The following SHROOM3 variants were observed in gnomAD, a reference collection of about 807,000 sequenced individuals.
The protein encoded by SHROOM3 is shroom family member 3, also known as protein Shroom3.
Under a neutral mutation model 138.6 loss-of-function variants are expected in SHROOM3, and 47 were observed. That is an observed-to-expected ratio of 0.34 (90% confidence interval 0.27 to 0.43). The LOEUF (loss-of-function observed/expected upper bound fraction) is 0.43, where lower values mean the gene tolerates loss of function less well. Ranked by LOEUF, SHROOM3 falls within the 20% of genes least tolerant of loss-of-function variation. The pLI, the probability that SHROOM3 is intolerant of heterozygous loss-of-function variation, is 1.00. For synonymous variants in SHROOM3, 1,062 were observed against 1,063.3 expected, an observed-to-expected ratio of 1.00 and a Z score of 0.02; for missense variants, 2,491 against 2,596.5, an observed-to-expected ratio of 0.96 and a Z score of 0.88.
At chr4:76,522,352 G>A (rs1326074323) in intron 1 of SHROOM3, among the ~76,000 whole-genome samples, 1 of 150,574 alleles carries the variant, frequency 6.6e-6, no homozygotes, top group Non-Finnish European at 1.5e-5. Flanking sequence ...AATTATATGA[G>A]AATATCTTTA....
intron 1 of SHROOM3, among the ~76,000 whole-genome samples, chr4:76,538,910 G>A (rs1397846617): frequency 1.4e-4 from 22 of 152,114 alleles, no homozygotes; most frequent in Admixed American, 1.2e-3. Flanking sequence ...TCAGTATGCA[G>A]CCTTTCCTTG....
At chr4:76,703,787 A>G (rs1719969155) in intron 2 of SHROOM3, among the ~76,000 whole-genome samples, 1 of 152,246 alleles carries the variant, frequency 6.6e-6, no homozygotes, top group South Asian at 2.1e-4. Flanking sequence ...ATGAGTGTAC[A>G]CACCCAACAT....
At chr4:76,640,910 G>T (rs1021256376) in intron 2 of SHROOM3, among the ~76,000 whole-genome samples, 17 of 152,190 alleles carry the variant, frequency 1.1e-4, no homozygotes, top group African/African-American at 3.6e-4. Flanking sequence ...CAGAGGCCAG[G>T]TGAAACCAAG....
intron 1 of SHROOM3, among the ~76,000 whole-genome samples, chr4:76,523,324 A>G (rs1001177573): frequency 6.6e-6 from 1 of 152,200 alleles, no homozygotes; most frequent in African/African-American, 2.4e-5. Flanking sequence ...TTGTATCTGC[A>G]AAGACCCAAT....
At chr4:76,489,754 G>T (rs970540546) in intron 1 of SHROOM3, among the ~76,000 whole-genome samples, 4 of 152,090 alleles carry the variant, frequency 2.6e-5, no homozygotes, top group Non-Finnish European at 5.9e-5. Flanking sequence ...AAAAGACAAA[G>T]GACCCGTTTA....
chr4:76,697,465 A>G (rs1719774502), intron 2 of SHROOM3, among the ~76,000 whole-genome samples: 1 of 152,126 alleles, frequency 6.6e-6, no homozygotes, highest in African/African-American at 2.4e-5. Context: ...GAACAAGGCA[A>G]ATCTGTTTTC....
intron 1 of SHROOM3, among the ~76,000 whole-genome samples, chr4:76,554,419 G>GTTTT (rs33953968): frequency 8.2e-6 from 1 of 121,752 alleles, no homozygotes; most frequent in Non-Finnish European, 1.7e-5. Context: ...TTTTGTTTGT[G>GTTTT]TTTTTTTTTT....
rs576141451 is a variant in SHROOM3, at chr4:76,484,860, C to T, written c.168+48640C>T. Among the ~76,000 whole-genome samples the T allele has an allele frequency of 2.5e-3, 374 of 152,298 alleles. 1 individual carries two copies. The highest frequency in any genetic ancestry group is 4.2e-3 in the Admixed American group (64 of 15,298). On this transcript the variant is annotated intron_variant, in intron 1 of 10. Coordinates refer to ENST00000296043, the MANE Select transcript of SHROOM3 (RefSeq NM_020859.4). ...TCCCTCTGCCCCCACCCGCTTCCCT[C>T]TCTGGGACCCAAGCTCTCTTGCTGC...
At chr4:76,700,897 G>T (rs186488464) in intron 2 of SHROOM3, among the ~76,000 whole-genome samples, 1 of 152,110 alleles carries the variant, frequency 6.6e-6, no homozygotes, top group Admixed American at 6.6e-5. Flanking sequence ...TGGTTCTCAT[G>T]CCTCAGCCTC....
At chr4:76,727,653 G>T (rs1720750697) in intron 3 of SHROOM3, among the ~76,000 whole-genome samples, 1 of 152,120 alleles carries the variant, frequency 6.6e-6, no homozygotes, top group African/African-American at 2.4e-5. Flanking sequence ...ACCTTGGGAG[G>T]CCAAAGTGGG....
At chr4:76,657,184 T>G (rs775940764) in intron 2 of SHROOM3, among the ~76,000 whole-genome samples, 9 of 149,762 alleles carry the variant, frequency 6.0e-5, no homozygotes, top group Non-Finnish European at 1.0e-4. Flanking sequence ...TCTCTCTCTC[T>G]CTCTCGCTCT....
At chr4:76,458,500 G>C (rs1731080021) in intron 1 of SHROOM3, among the ~76,000 whole-genome samples, 1 of 152,070 alleles carries the variant, frequency 6.6e-6, no homozygotes, top group African/African-American at 2.4e-5. Flanking sequence ...CCACTATCTG[G>C]TTCCGGAACT....
At chr4:76,541,938 G>A (rs1326629384) in intron 1 of SHROOM3, among the ~76,000 whole-genome samples, 1 of 152,142 alleles carries the variant, frequency 6.6e-6, no homozygotes, top group African/African-American at 2.4e-5. Flanking sequence ...TCAAGGATAG[G>A]AGTCCTCTAT....
chr4:76,544,595 C>T (rs934371887), intron 1 of SHROOM3, among the ~76,000 whole-genome samples: 2 of 151,738 alleles, frequency 1.3e-5, no homozygotes, highest in Non-Finnish European at 2.9e-5. Flanking sequence ...TAGGGTTTCG[C>T]CATGTTGGCC....
At chr4:76,518,857 A>T (rs1442030780) in intron 1 of SHROOM3, among the ~76,000 whole-genome samples, 1 of 152,218 alleles carries the variant, frequency 6.6e-6, no homozygotes, top group Non-Finnish European at 1.5e-5. Context: ...AAAAGAAGAT[A>T]TTTATTGAAC....
chr4:76,523,078 G>T (rs899266781), intron 1 of SHROOM3, among the ~76,000 whole-genome samples: 5 of 152,128 alleles, frequency 3.3e-5, no homozygotes, highest in Admixed American at 6.5e-5. Flanking sequence ...TGGTGGCAGG[G>T]CCATGCTCCC....
At chr4:76,548,695 C>G (rs1733279767) in intron 1 of SHROOM3, among the ~76,000 whole-genome samples, 1 of 151,806 alleles carries the variant, frequency 6.6e-6, no homozygotes, top group African/African-American at 2.4e-5. Flanking sequence ...AGGCTGTAAA[C>G]AATTAAAAAA....
chr4:76,487,016 A>C (rs1480701820), intron 1 of SHROOM3, among the ~76,000 whole-genome samples: 1 of 152,170 alleles, frequency 6.6e-6, no homozygotes, highest in Non-Finnish European at 1.5e-5. Context: ...AACTATCACC[A>C]CGATCAATTT....
intron 2 of SHROOM3, among the ~76,000 whole-genome samples, chr4:76,635,997 G>A (rs999838909): frequency 3.9e-5 from 6 of 152,252 alleles, no homozygotes; most frequent in Non-Finnish European, 7.4e-5. Flanking sequence ...AATTCTCTTC[G>A]TGGTAGACTC....
Sources: allele counts gnomAD v4.1 joint callset (sites outside exome capture counted in the v4.1 genomes callset), GRCh38; gene constraint gnomAD v4.1.1; transcripts MANE v1.5; gene names NCBI Gene and HGNC (gene_info 2026-07-23, HGNC 2026-07-21).